Variants in MTFR2 observed in about 807,000 individuals in gnomAD.
The protein encoded by MTFR2 is mitochondrial fission regulator 2.
In MTFR2, 44 loss-of-function variants were observed where a neutral mutation model predicts 41.2. That is an observed-to-expected ratio of 1.07 (90% CI 0.84 to 1.37). The LOEUF (loss-of-function observed/expected upper bound fraction) is 1.37. Among genes scored for constraint, MTFR2 ranks in the 40% most tolerant of loss-of-function variants. MTFR2 has a pLI of 0.00. For missense variants in MTFR2, 452 were observed against 459.5 expected (o/e 0.98, Z 0.15); for synonymous variants, 141 against 154.6 (o/e 0.91, Z 0.65).
intron 6 of MTFR2, among the ~76,000 whole-genome samples, chr6:136,234,545 AC>A (rs2128456992): frequency 6.6e-6 from 1 of 152,260 alleles, no homozygotes; most frequent in East Asian, 1.9e-4. Context: ...CAGTGGGCAA[AC>A]ATGGGGCATA....
chr6:136,231,460 G>C, intron 7 of MTFR2, 72 bp from the exon 8 acceptor site: 3 of 880,472 alleles, frequency 3.4e-6, no homozygotes, highest in South Asian at 3.0e-5. Context: ...CAAGACAAAG[G>C]CCAGATGACC....
At position 136,239,152 on chromosome 6, in the gene MTFR2, C is replaced by T. The variant is rs116403263; in HGVS notation, c.869+314G>A. On this transcript the variant is annotated intron_variant, in intron 6 of 7. Coordinates refer to ENST00000420702, the MANE Select transcript of MTFR2 (RefSeq NM_001099286.3). ...TTGTGGTTTAACTATTTCAGGAAGA[C>T]GTGGCAAGATGTGTGTGTGTGTCCT... is the stretch of plus-strand genomic sequence containing the variant. Among the ~76,000 whole-genome samples, 509 of 152,214 alleles carry T rather than the reference C, an allele frequency of 3.3e-3. 1 individual carries two copies. The highest frequency in any genetic ancestry group is 0.012 in the African/African-American group (480 of 41,536).
intron 7 of MTFR2, among the ~76,000 whole-genome samples, chr6:136,232,353 C>G (rs1311821371): frequency 6.6e-6 from 1 of 152,164 alleles, no homozygotes; most frequent in Non-Finnish European, 1.5e-5. Context: ...CTCCCGGGTT[C>G]AACCAATTCT....
At chr6:136,248,143 T>A (rs1780261441) in intron 2 of MTFR2, among the ~76,000 whole-genome samples, 1 of 152,222 alleles carries the variant, frequency 6.6e-6, no homozygotes, top group South Asian at 2.1e-4. Flanking sequence ...CAATCTCATA[T>A]TACAGTTATC....
Position 136,231,669 on chromosome 6 carries a change from T to TAAAAAAAAAAA in MTFR2, c.1045-292_1045-282dup, listed in dbSNP as rs71006791. On this transcript the variant is annotated intron_variant, in intron 7 of 7. Coordinates refer to ENST00000420702, the MANE Select transcript of MTFR2 (RefSeq NM_001099286.3). Reference sequence around the variant, plus strand: ...CTGAAATTAAGTGCTAAAAACTATGTAAAAAAAAAAAAAAAAAAAAAAAGA... The same window carrying TAAAAAAAAAAA: ...CTGAAATTAAGTGCTAAAAACTATGTAAAAAAAAAAAAAAAAAAAAAAAAAAAAAAAAAAGA... Among the ~76,000 whole-genome samples, 129 of 82,878 alleles carry TAAAAAAAAAAA rather than the reference T, an allele frequency of 1.6e-3. 4 individuals carry two copies. The highest frequency in any genetic ancestry group is 5.2e-3 in the African/African-American group (111 of 21,286). 54.4% of individuals were successfully genotyped at this position (82,878 alleles called of 152,430 possible).
At chr6:136,240,884 G>GA (rs1039367088) in intron 5 of MTFR2, among the ~76,000 whole-genome samples, 27 of 152,290 alleles carry the variant, frequency 1.8e-4, no homozygotes, top group African/African-American at 5.1e-4. Context: ...GAGGTCAGGA[G>GA]ATCGAGACCA....
At chr6:136,240,379 A>G (rs1391901663) in intron 5 of MTFR2, among the ~76,000 whole-genome samples, 1 of 151,548 alleles carries the variant, frequency 6.6e-6, no homozygotes, top group Non-Finnish European at 1.5e-5. Flanking sequence ...GTTATTGTAT[A>G]TTATATAATG....
At chr6:136,249,910 C>A (rs981902663) in intron 1 of MTFR2, 66 bp downstream of exon 1, 2 of 152,178 alleles carry the variant, frequency 1.3e-5, no homozygotes. Flanking sequence ...AGAGCCGGAT[C>A]GCGTCCCTCG....
chr6:136,245,357 C>A (rs1333567982), intron 2 of MTFR2, among the ~76,000 whole-genome samples: 1 of 152,116 alleles, frequency 6.6e-6, no homozygotes, highest in Non-Finnish European at 1.5e-5. Flanking sequence ...CTAGACAATT[C>A]AGAGTTATTT....
chr6:136,244,577 G>A (rs528421488), intron 3 of MTFR2, among the ~76,000 whole-genome samples, 188 bp downstream of exon 3: 2 of 152,230 alleles, frequency 1.3e-5, no homozygotes, highest in South Asian at 4.2e-4. Flanking sequence ...ATCATTAAAC[G>A]ATGCATGATT....
chr6:136,241,707 G>T (rs1230287065), intron 4 of MTFR2, 31 bp from the exon 5 acceptor site: 6 of 1,507,394 alleles, frequency 4.0e-6, no homozygotes, highest in Non-Finnish European at 5.5e-6. Flanking sequence ...GAAATGGAGG[G>T]AAGATATATT....
In MTFR2 at chr6:136,249,030, C is replaced by T; in HGVS notation, c.63+7G>A. On this transcript the variant is annotated splice_region_variant and intron_variant, in intron 2 of 7. Coordinates refer to ENST00000420702, the MANE Select transcript of MTFR2 (RefSeq NM_001099286.3). The stretch of plus-strand genomic sequence containing the variant: ...ACAGATCCATTCCAATCCAAAACGA[C>T]ATTTACCTGTTCTACAGGAACGCCA... 1 of 1,598,150 alleles carries T rather than the reference C, an allele frequency of 6.3e-7. No individual in the cohort carries two copies. The highest frequency in any genetic ancestry group is 8.5e-7 in the Non-Finnish European group (1 of 1,174,976).
intron 5 of MTFR2, among the ~76,000 whole-genome samples, chr6:136,240,779 C>T (rs1017780814): frequency 1.3e-5 from 2 of 152,186 alleles, no homozygotes; most frequent in African/African-American, 4.8e-5. Context: ...ATATCCAATG[C>T]TTTCATGAAG....
intron 4 of MTFR2, 48 bp downstream of exon 4, chr6:136,242,813 A>C: frequency 7.0e-7 from 1 of 1,436,598 alleles, no homozygotes; most frequent in Non-Finnish European, 9.7e-7. Context: ...CGACACATGC[A>C]AGAATTCAGT....
At chr6:136,248,637 G>A in intron 2 of MTFR2, 1 of 208,334 alleles carries the variant, frequency 4.8e-6, no homozygotes, top group Non-Finnish European at 9.5e-6. Context: ...CATGAGAACA[G>A]ACTAATACAG....
At position 136,233,693 on chromosome 6, in the gene MTFR2, G is replaced by A. The variant is rs184322029; in HGVS notation, c.870-194C>T. Among the ~76,000 whole-genome samples the A allele has an allele frequency of 2.2e-3, 341 of 152,168 alleles. 1 individual carries two copies. The highest frequency in any genetic ancestry group is 3.9e-3 in the Non-Finnish European group (263 of 67,984). ...AATGAATGAAGAATCAGAAAACCAA[G>A]AACCCATGTGACTTGAGACTCTGCC... On this transcript the variant is annotated intron_variant, in intron 6 of 7. Transcript: ENST00000420702.
At chr6:136,240,919 G>C (rs7753016) in intron 5 of MTFR2, among the ~76,000 whole-genome samples, 1 of 145,382 alleles carries the variant, frequency 6.9e-6, no homozygotes, top group Non-Finnish European at 1.5e-5. Flanking sequence ...GTGAAACCCC[G>C]TCTCTACTAA....
At chr6:136,246,323 AC>A (rs1343949827) in intron 2 of MTFR2, among the ~76,000 whole-genome samples, 6 of 150,624 alleles carry the variant, frequency 4.0e-5, no homozygotes, top group Non-Finnish European at 8.9e-5. Flanking sequence ...TCACTCTGTC[AC>A]CCAGGCTGGA....
chr6:136,243,974 T>C lies in MTFR2; in HGVS notation c.168+791A>G, dbSNP rs779062079. Among the ~76,000 whole-genome samples, 39 of 152,162 alleles carry C rather than the reference T, an allele frequency of 2.6e-4. 1 individual carries two copies. Among genetic ancestry groups the C allele is most frequent in the Middle Eastern group, 6.8e-3 (2 of 294 alleles). On this transcript the variant is annotated intron_variant, in intron 3 of 7. Coordinates refer to ENST00000420702, the MANE Select transcript of MTFR2 (RefSeq NM_001099286.3). ...AAAAGTATAAAAAATTTAAAAATTT[T>C]TAAATCATAAAAAGCTTATAGAATA...
Sources: allele counts gnomAD v4.1 joint callset (sites outside exome capture counted in the v4.1 genomes callset), GRCh38; gene constraint gnomAD v4.1.1; transcripts MANE v1.5; gene names NCBI Gene and HGNC (gene_info 2026-07-23, HGNC 2026-07-21).